Variants in PDE10A observed in about 807,000 individuals in gnomAD.
PDE10A encodes cAMP and cAMP-inhibited cGMP 3',5'-cyclic phosphodiesterase 10A.
PDE10A carries 39 observed loss-of-function variants against 97.7 expected under a neutral mutation model. The ratio of observed to expected loss-of-function variants is 0.40; its 90% CI spans 0.31 to 0.52. The LOEUF is 0.52. Ranked by LOEUF, PDE10A falls within the 20% of genes least tolerant of loss-of-function variation. The pLI, the probability that PDE10A is intolerant of heterozygous loss-of-function variation, is 0.56. For synonymous variants in PDE10A, 371 were observed against 376.8 expected (o/e 0.98, Z 0.18); for missense variants, 731 against 1,047.8 (o/e 0.70, Z 4.17).
At chr6:165,487,335 T>C (rs1045291753) in intron 2 of PDE10A, among the ~76,000 whole-genome samples, 1 of 152,142 alleles carries the variant, frequency 6.6e-6, no homozygotes, top group African/African-American at 2.4e-5. Context: ...AGTGACACAC[T>C]TCAGGTGTCA....
intron 1 of PDE10A, among the ~76,000 whole-genome samples, chr6:165,857,210 A>G (rs76383586): frequency 0.042 from 6,400 of 152,242 alleles, 161 homozygotes; most frequent in Middle Eastern, 0.078. Flanking sequence ...TGGCATTAAC[A>G]TCCCAGGAAA....
At chr6:165,622,593 C>T (rs1788197594) in intron 1 of PDE10A, among the ~76,000 whole-genome samples, 2 of 152,154 alleles carry the variant, frequency 1.3e-5, no homozygotes, top group Admixed American at 6.5e-5. Context: ...TGACCACCAT[C>T]ATATATGTGG....
chr6:165,625,757 G>T (rs1788356183), intron 1 of PDE10A, among the ~76,000 whole-genome samples: 1 of 152,188 alleles, frequency 6.6e-6, no homozygotes, highest in East Asian at 1.9e-4. Flanking sequence ...CTTCTGCCAT[G>T]ATTGTGAGGC....
intron 6 of PDE10A, among the ~76,000 whole-genome samples, chr6:165,433,753 A>T (rs1017746965): frequency 3.9e-5 from 6 of 152,028 alleles, no homozygotes; most frequent in Non-Finnish European, 7.4e-5. Flanking sequence ...CAGTGGCTCA[A>T]GCCTGTAATC....
chr6:165,928,112 A>G (rs1783002389), intron 1 of PDE10A, among the ~76,000 whole-genome samples: 1 of 151,704 alleles, frequency 6.6e-6, no homozygotes, highest in African/African-American at 2.4e-5. Flanking sequence ...AATTATATAA[A>G]CACTATGTAT....
intron 1 of PDE10A, among the ~76,000 whole-genome samples, chr6:165,881,943 G>A (rs1209311371): frequency 6.6e-6 from 1 of 152,118 alleles, no homozygotes; most frequent in East Asian, 1.9e-4. Context: ...TGCCGCCCAG[G>A]CAGAAGGGTT....
At chr6:165,523,599 A>G (rs1782262058) in intron 2 of PDE10A, among the ~76,000 whole-genome samples, 1 of 152,144 alleles carries the variant, frequency 6.6e-6, no homozygotes, top group Non-Finnish European at 1.5e-5. Flanking sequence ...CCAACCTATC[A>G]CCAAATTTTA....
chr6:165,881,798 G>T (rs552133499), intron 1 of PDE10A, among the ~76,000 whole-genome samples: 1 of 152,104 alleles, frequency 6.6e-6, no homozygotes, highest in South Asian at 2.1e-4. Context: ...TCTGTAAGTG[G>T]ATTATTTCTT....
At chr6:165,709,120 C>T (rs926160781) in intron 1 of PDE10A, among the ~76,000 whole-genome samples, 3 of 133,720 alleles carry the variant, frequency 2.2e-5, no homozygotes, top group African/African-American at 8.5e-5. Flanking sequence ...CCCACACTTT[C>T]CGCCTCCATG....
At chr6:165,468,271 G>A (rs1202831105) in intron 3 of PDE10A, among the ~76,000 whole-genome samples, 3 of 148,062 alleles carry the variant, frequency 2.0e-5, no homozygotes, top group African/African-American at 7.5e-5. Flanking sequence ...TTTTTTTTTA[G>A]TAGAGATGGG....
At chr6:165,902,158 T>C (rs1743474938) in intron 1 of PDE10A, among the ~76,000 whole-genome samples, 1 of 152,224 alleles carries the variant, frequency 6.6e-6, no homozygotes, top group African/African-American at 2.4e-5. Flanking sequence ...TAGATTTCTG[T>C]CTGACAAGCT....
chr6:165,483,117 G>C (rs1208825547), intron 2 of PDE10A, among the ~76,000 whole-genome samples: 1 of 152,210 alleles, frequency 6.6e-6, no homozygotes, highest in Non-Finnish European at 1.5e-5. Context: ...GTGTCCCTAA[G>C]AGGAGGGGCC....
chr6:165,494,348 A>G (rs1445273726), intron 2 of PDE10A, among the ~76,000 whole-genome samples: 1 of 151,944 alleles, frequency 6.6e-6, no homozygotes, highest in Non-Finnish European at 1.5e-5. Flanking sequence ...AGGTCATTAT[A>G]GAAAAAAGAT....
chr6:165,378,868 C>G (rs1236901201), intron 18 of PDE10A, among the ~76,000 whole-genome samples: 1 of 152,142 alleles, frequency 6.6e-6, no homozygotes, highest in Admixed American at 6.6e-5. Flanking sequence ...AGGCCAATGG[C>G]CAGACCCTGA....
chr6:165,542,956 A>C (rs1225692993), intron 2 of PDE10A, among the ~76,000 whole-genome samples: 2 of 152,124 alleles, frequency 1.3e-5, no homozygotes, highest in South Asian at 2.1e-4. Flanking sequence ...ACTGACAACA[A>C]ATCTTCTAGA....
chr6:165,528,998 C>A (rs1247649483), intron 2 of PDE10A, among the ~76,000 whole-genome samples: 2 of 152,160 alleles, frequency 1.3e-5, no homozygotes, highest in African/African-American at 4.8e-5. Context: ...CTCACCATCA[C>A]CCCTAGTGAT....
intron 1 of PDE10A, among the ~76,000 whole-genome samples, chr6:165,811,561 A>G (rs1273855845): frequency 6.6e-6 from 1 of 151,754 alleles, no homozygotes; most frequent in Non-Finnish European, 1.5e-5. Context: ...CTCCCTGGCC[A>G]TTTCTATTTC....
At chr6:165,394,817 A>C (rs976730315) in intron 15 of PDE10A, among the ~76,000 whole-genome samples, 1 of 152,192 alleles carries the variant, frequency 6.6e-6, no homozygotes, top group Admixed American at 6.5e-5. Flanking sequence ...TCTAATGACC[A>C]GTGATGATGA....
chr6:165,595,014 G>A (rs146261766), intron 1 of PDE10A, among the ~76,000 whole-genome samples: 1 of 152,176 alleles, frequency 6.6e-6, no homozygotes, highest in African/African-American at 2.4e-5. Flanking sequence ...TCAAAGTCAC[G>A]TATCTAGTGA....
Sources: gnomAD v4.1 joint callset for allele counts (sites outside exome capture counted in the v4.1 genomes callset) on GRCh38, gnomAD v4.1.1 for gene constraint, MANE v1.5 for transcripts, NCBI Gene and HGNC (gene_info 2026-07-23, HGNC 2026-07-21) for gene names.